Variants in COL22A1 observed in about 807,000 individuals in gnomAD.
COL22A1 encodes the protein collagen type XXII alpha 1 chain.
Under a neutral mutation model 248.9 loss-of-function variants are expected in COL22A1, and 221 were observed. That is an observed-to-expected ratio of 0.89 (90% CI 0.80 to 0.99). COL22A1 has a LOEUF of 0.99. Among genes scored for constraint, COL22A1 ranks in the 50% least tolerant of loss-of-function variants. COL22A1 has a pLI of 0.00. For synonymous variants in COL22A1, 891 were observed against 793.4 expected (o/e 1.12, Z -2.07); for missense variants, 2,240 against 2,179.0 (o/e 1.03, Z -0.56).
chr8:138,639,595 C>T (rs1208340414), intron 47 of COL22A1, among the ~76,000 whole-genome samples: 1 of 152,216 alleles, frequency 6.6e-6, no homozygotes, highest in Admixed American at 6.5e-5. Context: ...AACTTCGCCC[C>T]ACTCAGTTTA....
At chr8:138,812,860 C>T in intron 8 of COL22A1, 79 bp downstream of exon 8, 1 of 1,116,738 alleles carries the variant, frequency 9.0e-7, no homozygotes, top group South Asian at 1.2e-5. Context: ...ACCACCCAAC[C>T]CTAAGCTCTG....
At chr8:138,722,336 C>A in intron 25 of COL22A1, 1 of 530,246 alleles carries the variant, frequency 1.9e-6, no homozygotes, top group South Asian at 2.5e-5. Flanking sequence ...ACTGGCCATG[C>A]ATGGAGGGTG....
At chr8:138,819,549 A>G (rs1339414074) in intron 7 of COL22A1, among the ~76,000 whole-genome samples, 3 of 149,148 alleles carry the variant, frequency 2.0e-5, no homozygotes, top group Non-Finnish European at 4.4e-5. Context: ...TATATAATGT[A>G]CCATTATATA....
At chr8:138,628,573 T>C (rs888992727) in intron 50 of COL22A1, among the ~76,000 whole-genome samples, 4 of 152,202 alleles carry the variant, frequency 2.6e-5, no homozygotes, top group African/African-American at 9.6e-5. Flanking sequence ...ATTTTGTAAC[T>C]ACCAGTGCTC....
At chr8:138,633,162 T>C (rs1174027148) in intron 49 of COL22A1, among the ~76,000 whole-genome samples, 1 of 152,224 alleles carries the variant, frequency 6.6e-6, no homozygotes, top group Non-Finnish European at 1.5e-5. Flanking sequence ...TTTTCTGCTG[T>C]GGAGTTGCTT....
At chr8:138,865,052 T>G (rs1822757530) in intron 3 of COL22A1, among the ~76,000 whole-genome samples, 1 of 152,238 alleles carries the variant, frequency 6.6e-6, no homozygotes, top group Non-Finnish European at 1.5e-5. Flanking sequence ...GAACCTATTA[T>G]AAACAAATAG....
At chr8:138,619,720 C>A (rs567673006) in intron 52 of COL22A1, among the ~76,000 whole-genome samples, 33 of 152,208 alleles carry the variant, frequency 2.2e-4, no homozygotes, top group African/African-American at 7.7e-4. Flanking sequence ...TGGGATGGTG[C>A]TGGTTACACA....
intron 13 of COL22A1, among the ~76,000 whole-genome samples, chr8:138,780,709 C>T (rs942244415): frequency 1.3e-5 from 2 of 152,120 alleles, no homozygotes; most frequent in Non-Finnish European, 1.5e-5. Flanking sequence ...AAATCATTTC[C>T]AAGGACAGGC....
At chr8:138,608,577 T>C (rs1289883447) in intron 56 of COL22A1, among the ~76,000 whole-genome samples, 1 of 152,206 alleles carries the variant, frequency 6.6e-6, no homozygotes, top group East Asian at 1.9e-4. Flanking sequence ...GGCTTCCAAG[T>C]CTAATTTTCT....
intron 31 of COL22A1, among the ~76,000 whole-genome samples, chr8:138,700,935 A>C (rs1827910371): frequency 6.8e-6 from 1 of 147,372 alleles, no homozygotes; most frequent in African/African-American, 2.5e-5. Context: ...CAGTGAGCCC[A>C]GATCACGCCA....
chr8:138,628,013 A>G (rs1820395002), intron 50 of COL22A1, among the ~76,000 whole-genome samples: 1 of 152,216 alleles, frequency 6.6e-6, no homozygotes, highest in Admixed American at 6.5e-5. Flanking sequence ...AGGTTAGGAA[A>G]AAAAATCCTA....
chr8:138,764,547 A>G (rs932183404), intron 16 of COL22A1, among the ~76,000 whole-genome samples: 1 of 152,252 alleles, frequency 6.6e-6, no homozygotes, highest in African/African-American at 2.4e-5. Context: ...TTTGGTTTGC[A>G]GGCCCCTGGC....
At chr8:138,836,341 C>T (rs988284686) in intron 4 of COL22A1, among the ~76,000 whole-genome samples, 2 of 152,172 alleles carry the variant, frequency 1.3e-5, no homozygotes, top group African/African-American at 2.4e-5. Flanking sequence ...AAAGACCAGT[C>T]ATCAGGCCTG....
chr8:138,648,164 T>C lies in COL22A1; in HGVS notation c.3448-1482A>G, dbSNP rs560313898. 2.2e-3 allele frequency among the ~76,000 whole-genome samples: 339 copies of C among 152,376 alleles called. 4 individuals are homozygous for C. The highest frequency in any genetic ancestry group is 0.018 in the South Asian group (89 of 4,832). On this transcript the variant is annotated intron_variant, in intron 46 of 64. Transcript: ENST00000303045. ...GAATTTAATTAGGTGAAATTATTCT[T>C]AGTCAAATCAGCTTTAGCACTGGCC...
At chr8:138,834,910 CAGG>C (rs962454633) in intron 4 of COL22A1, among the ~76,000 whole-genome samples, 1 of 152,122 alleles carries the variant, frequency 6.6e-6, no homozygotes, top group Non-Finnish European at 1.5e-5. Context: ...ATCCTGGCTC[CAGG>C]AGAACTGGAA....
chr8:138,693,921 G>A (rs1194943372), intron 34 of COL22A1, among the ~76,000 whole-genome samples: 5 of 152,022 alleles, frequency 3.3e-5, no homozygotes, highest in Non-Finnish European at 5.9e-5. Flanking sequence ...ACCTACCCAG[G>A]GTATAGGGGT....
At chr8:138,784,372 G>GTA (rs1303187555) in intron 12 of COL22A1, among the ~76,000 whole-genome samples, 1 of 152,216 alleles carries the variant, frequency 6.6e-6, no homozygotes, top group Admixed American at 6.5e-5. Context: ...GTTTACTTTT[G>GTA]TGGGTTAAAC....
At chr8:138,643,801 G>A (rs1821957201) in intron 47 of COL22A1, among the ~76,000 whole-genome samples, 1 of 152,146 alleles carries the variant, frequency 6.6e-6, no homozygotes, top group Non-Finnish European at 1.5e-5. Flanking sequence ...CCGGGTTCAA[G>A]CGATTCTTAT....
At chr8:138,795,564 G>T (rs990391653) in intron 12 of COL22A1, among the ~76,000 whole-genome samples, 1 of 99,590 alleles carries the variant, frequency 1.0e-5, no homozygotes, top group Non-Finnish European at 2.0e-5. Flanking sequence ...CACAGAGCTG[G>T]TGTCATATTG....
Sources: allele counts gnomAD v4.1 joint callset (sites outside exome capture counted in the v4.1 genomes callset), GRCh38; gene constraint gnomAD v4.1.1; transcripts MANE v1.5; gene names NCBI Gene and HGNC (gene_info 2026-07-23, HGNC 2026-07-21).